The following GALNTL6 variants were observed in gnomAD, a reference collection of about 807,000 sequenced individuals.
GALNTL6 encodes the protein polypeptide N-acetylgalactosaminyltransferase-like 6.
A neutral mutation model predicts 73.7 loss-of-function variants in GALNTL6; 46 were observed. That is an observed-to-expected ratio of 0.62 (90% confidence interval 0.49 to 0.80). The LOEUF is 0.80. Ranked by LOEUF, GALNTL6 falls within the 30% of genes least tolerant of loss-of-function variation. GALNTL6 has a pLI of 0.00. For synonymous variants in GALNTL6, 259 were observed against 263.7 expected (o/e 0.98, Z 0.17); for missense variants, 604 against 755.0 (o/e 0.80, Z 2.34).
rs1038121880 is a variant in GALNTL6, at chr4:173,021,580, T to C, written c.1593T>C (p.Tyr531=). 1 of 1,614,050 alleles carries C rather than the reference T, an allele frequency of 6.2e-7. No homozygotes were observed. The highest frequency in any genetic ancestry group is 8.5e-7 in the Non-Finnish European group (1 of 1,180,024). Residue 531 remains tyrosine (Y), a synonymous_variant, in exon 12 of 13, where the codon TAT becomes TAC. Coordinates refer to ENST00000506823, the MANE Select transcript of GALNTL6 (RefSeq NM_001034845.3). The part of the protein sequence containing the change: ...AISHNSPVTL[Y]DCHGMKGNQL... ...CACACAACAGCCCCGTTACACTCTA[T>C]GACTGTCATGGCATGAAGGGGAACC...
intron 5 of GALNTL6, among the ~76,000 whole-genome samples, chr4:172,726,573 A>G (rs570731859): frequency 3.5e-4 from 53 of 152,176 alleles, no homozygotes; most frequent in Non-Finnish European, 5.0e-4. Flanking sequence ...GCCTGATTGA[A>G]CCCCAACCTA....
intron 7 of GALNTL6, among the ~76,000 whole-genome samples, chr4:172,852,204 C>T (rs530948864): frequency 1.3e-5 from 2 of 152,174 alleles, no homozygotes; most frequent in South Asian, 2.1e-4. Context: ...TCAGCATATT[C>T]GAAGTGTTTT....
intron 10 of GALNTL6, among the ~76,000 whole-genome samples, chr4:173,005,199 T>G (rs1395549066): frequency 5.9e-5 from 9 of 152,218 alleles, no homozygotes; most frequent in Admixed American, 3.9e-4. Context: ...AAAAGGAGAT[T>G]ATCTCGGTAA....
chr4:172,497,690 T>G (rs929658261), intron 5 of GALNTL6, among the ~76,000 whole-genome samples: 3 of 152,228 alleles, frequency 2.0e-5, no homozygotes, highest in African/African-American at 7.2e-5. Context: ...ATATCAGAAG[T>G]TACTTTCTTA....
intron 11 of GALNTL6, among the ~76,000 whole-genome samples, chr4:173,011,133 C>A (rs1752536420): frequency 1.3e-5 from 2 of 152,134 alleles, no homozygotes; most frequent in African/African-American, 2.4e-5. Flanking sequence ...TTTTCATATG[C>A]CAGTTTGCCA....
intron 10 of GALNTL6, among the ~76,000 whole-genome samples, chr4:172,972,069 A>T (rs553074344): frequency 6.6e-6 from 1 of 152,178 alleles, no homozygotes; most frequent in Non-Finnish European, 1.5e-5. Context: ...ACAGAGAGAA[A>T]AAAAGTCAAA....
intron 6 of GALNTL6, among the ~76,000 whole-genome samples, chr4:172,813,193 C>T (rs1280179715): frequency 6.6e-6 from 1 of 152,162 alleles, no homozygotes; most frequent in Non-Finnish European, 1.5e-5. Context: ...CTTGAAAGAA[C>T]ACAATAACTG....
chr4:172,957,240 A>G (rs995743795), intron 10 of GALNTL6, among the ~76,000 whole-genome samples: 33 of 152,326 alleles, frequency 2.2e-4, no homozygotes, highest in Admixed American at 7.8e-4. Flanking sequence ...GATTTCCTTG[A>G]GGATAGATTT....
chr4:172,588,704 A>C (rs932527976), intron 5 of GALNTL6, among the ~76,000 whole-genome samples: 1 of 152,226 alleles, frequency 6.6e-6, no homozygotes, highest in Non-Finnish European at 1.5e-5. Context: ...TTCTAACCAC[A>C]GATAAATGCT....
chr4:172,427,673 A>G (rs1166215858), intron 5 of GALNTL6, among the ~76,000 whole-genome samples: 1 of 152,202 alleles, frequency 6.6e-6, no homozygotes, highest in Non-Finnish European at 1.5e-5. Context: ...CTATTTTAAA[A>G]GAGATATTAA....
intron 5 of GALNTL6, among the ~76,000 whole-genome samples, chr4:172,731,474 TTTTC>T (rs1432522901): frequency 9.2e-5 from 14 of 152,118 alleles, no homozygotes; most frequent in Non-Finnish European, 1.3e-4. Flanking sequence ...GGTTTGTTGA[TTTTC>T]TTTATCTTTT....
At chr4:172,644,815 A>C (rs2111132842) in intron 5 of GALNTL6, among the ~76,000 whole-genome samples, 1 of 152,040 alleles carries the variant, frequency 6.6e-6, no homozygotes, top group East Asian at 1.9e-4. Context: ...TAGTTTCCAA[A>C]GATCTTTGTC....
At position 172,578,823 on chromosome 4, in the gene GALNTL6, G is replaced by C. The variant is rs190725735; in HGVS notation, c.553+230134G>C. ...TTTATCTCTATGGATGTGGTTATTA[G>C]ATTAGTGACAAAGAAATTCAAATCT... On this transcript the variant is annotated intron_variant, in intron 5 of 12. Transcript: ENST00000506823. Among the ~76,000 whole-genome samples, 50 of 152,280 alleles carry C rather than the reference G, an allele frequency of 3.3e-4. 1 individual carries two copies. In the East Asian group the frequency reaches 9.6e-3, roughly 29 times the overall value.
chr4:172,054,647 C>G (rs1730970568), intron 2 of GALNTL6, among the ~76,000 whole-genome samples: 1 of 152,156 alleles, frequency 6.6e-6, no homozygotes, highest in African/African-American at 2.4e-5. Flanking sequence ...AACCACTTCT[C>G]AAAATCTTCA....
rs990840178 is a variant in GALNTL6 at position 172,730,028 on chromosome 4, A to C, written c.554-79333A>C. 5.3e-5 allele frequency among the ~76,000 whole-genome samples: 8 copies of C among 151,892 alleles called. No homozygotes were observed. The South Asian group carries it at 1.0e-3, about 20-fold the overall frequency. On this transcript the variant is annotated intron_variant, in intron 5 of 12. Coordinates refer to ENST00000506823, the MANE Select transcript of GALNTL6 (RefSeq NM_001034845.3). The stretch of plus-strand genomic sequence containing the variant: ...GAATTACTTTCATGATTTCTTTTTC[A>C]GATTGTTTGCTGTTGCCATATATAA...
At chr4:172,428,498 G>T (rs1579062738) in intron 5 of GALNTL6, among the ~76,000 whole-genome samples, 1 of 152,102 alleles carries the variant, frequency 6.6e-6, no homozygotes, top group East Asian at 1.9e-4. Flanking sequence ...ATCCACAGAT[G>T]CTTGCATTAC....
chr4:171,873,808 C>G (rs1010961993), intron 2 of GALNTL6, among the ~76,000 whole-genome samples: 1 of 152,098 alleles, frequency 6.6e-6, no homozygotes, highest in East Asian at 1.9e-4. Flanking sequence ...CTTAACTATA[C>G]TTTTACCAGT....
chr4:172,381,528 A>T (rs984956703), intron 5 of GALNTL6, among the ~76,000 whole-genome samples: 3 of 152,176 alleles, frequency 2.0e-5, no homozygotes, highest in Non-Finnish European at 4.4e-5. Context: ...TTAAATATGT[A>T]GTCATCTGTG....
chr4:172,962,486 T>C (rs751966774), intron 10 of GALNTL6, among the ~76,000 whole-genome samples: 10 of 152,220 alleles, frequency 6.6e-5, no homozygotes, highest in Non-Finnish European at 1.5e-4. Context: ...CTATAAACTT[T>C]AAATTAATTG....
Sources: gnomAD v4.1 joint callset for allele counts (sites outside exome capture counted in the v4.1 genomes callset) on GRCh38, gnomAD v4.1.1 for gene constraint, MANE v1.5 for transcripts, NCBI Gene and HGNC (gene_info 2026-07-23, HGNC 2026-07-21) for gene names.